Variants in SLC10A7 observed in about 807,000 individuals in gnomAD.
SLC10A7 encodes the protein sodium/bile acid cotransporter 7.
Under a neutral mutation model 43.2 loss-of-function variants are expected in SLC10A7, and 29 were observed. The observed-to-expected ratio is 0.67, with a 90% CI of 0.50 to 0.92. The LOEUF is 0.92. SLC10A7 is among the 40% of genes least tolerant of loss of function. The pLI, the probability that SLC10A7 is intolerant of heterozygous loss-of-function variation, is 0.00. For synonymous variants in SLC10A7, 152 were observed against 144.8 expected (o/e 1.05, Z -0.35); for missense variants, 295 against 403.2 (o/e 0.73, Z 2.30).
intron 5 of SLC10A7, among the ~76,000 whole-genome samples, chr4:146,365,211 T>G (rs1579000975): frequency 1.3e-5 from 2 of 152,228 alleles, no homozygotes; most frequent in Admixed American, 1.3e-4. Context: ...TTAAATCTTT[T>G]GTACTCCTAT....
intron 2 of SLC10A7, among the ~76,000 whole-genome samples, chr4:146,513,078 G>C (rs1737628566): frequency 6.6e-6 from 1 of 151,918 alleles, no homozygotes; most frequent in African/African-American, 2.4e-5. Context: ...CTCTGGAAAG[G>C]TACGCAGAAA....
intron 5 of SLC10A7, among the ~76,000 whole-genome samples, chr4:146,330,890 C>T (rs184377079): frequency 2.6e-5 from 4 of 152,130 alleles, no homozygotes; most frequent in African/African-American, 9.6e-5. Context: ...TCTTATATTG[C>T]TTCCAAATCA....
chr4:146,396,790 C>G (rs181820519), intron 5 of SLC10A7, among the ~76,000 whole-genome samples: 34 of 146,826 alleles, frequency 2.3e-4, no homozygotes, highest in African/African-American at 8.8e-4. Flanking sequence ...ACCACTACTT[C>G]CTTTAAAATC....
intron 6 of SLC10A7, among the ~76,000 whole-genome samples, chr4:146,307,611 G>T (rs1731674144): frequency 6.6e-6 from 1 of 152,104 alleles, no homozygotes; most frequent in Non-Finnish European, 1.5e-5. Context: ...GAGAAATGAG[G>T]CACTGGATGA....
At chr4:146,456,480 C>T (rs1243540243) in intron 4 of SLC10A7, among the ~76,000 whole-genome samples, 1 of 151,962 alleles carries the variant, frequency 6.6e-6, no homozygotes, top group East Asian at 1.9e-4. Flanking sequence ...AGGCTATCCA[C>T]ACTTTTGACC....
chr4:146,396,751 G>C (rs1738853124), intron 5 of SLC10A7, among the ~76,000 whole-genome samples: 1 of 151,310 alleles, frequency 6.6e-6, no homozygotes, highest in African/African-American at 2.4e-5. Flanking sequence ...TTCAGAAAAA[G>C]AGTAATTGCA....
intron 1 of SLC10A7, among the ~76,000 whole-genome samples, chr4:146,519,683 G>A (rs1033686728): frequency 5.3e-5 from 8 of 152,074 alleles, no homozygotes; most frequent in African/African-American, 1.2e-4. Context: ...CAAGGAATCT[G>A]GCTTGCTTGG....
At chr4:146,377,410 A>C (rs938972107) in intron 5 of SLC10A7, among the ~76,000 whole-genome samples, 1 of 152,134 alleles carries the variant, frequency 6.6e-6, no homozygotes, top group African/African-American at 2.4e-5. Context: ...AGGAGCATTA[A>C]TTGTAACACA....
intron 5 of SLC10A7, among the ~76,000 whole-genome samples, chr4:146,425,482 A>C (rs1238998836): frequency 6.6e-6 from 1 of 152,150 alleles, no homozygotes; most frequent in Non-Finnish European, 1.5e-5. Context: ...AACTTCATTT[A>C]ATTTTCATTA....
chr4:146,418,499 T>C (rs1579135422), intron 5 of SLC10A7, among the ~76,000 whole-genome samples: 3 of 152,226 alleles, frequency 2.0e-5, no homozygotes, highest in Admixed American at 1.3e-4. Flanking sequence ...AAAAGCTACA[T>C]TGCTTATAGT....
At chr4:146,262,788 C>T (rs555784726) in intron 10 of SLC10A7, among the ~76,000 whole-genome samples, 1 of 152,288 alleles carries the variant, frequency 6.6e-6, no homozygotes, top group Admixed American at 6.5e-5. Flanking sequence ...GAACCAGTCT[C>T]TCTGCCTTCA....
rs903864921 is a variant in SLC10A7, at chr4:146,366,486, T to C, written c.436-40490A>G. On this transcript the variant is annotated intron_variant, in intron 5 of 11. Coordinates refer to ENST00000335472, the MANE Select transcript of SLC10A7 (RefSeq NM_001029998.6). ...TTCAGTTTTTGAATGTGGAAAGGAG[T>C]AGAAGACCTGTCATGTCTACTTCTT... Among the ~76,000 whole-genome samples, 5 of 152,164 alleles carry C rather than the reference T, an allele frequency of 3.3e-5. No individual in the cohort carries two copies. The East Asian group carries it at 9.6e-4, about 29-fold the overall frequency.
intron 5 of SLC10A7, among the ~76,000 whole-genome samples, chr4:146,400,389 TAA>T (rs1197754147): frequency 6.6e-6 from 1 of 151,934 alleles, no homozygotes; most frequent in African/African-American, 2.4e-5. Flanking sequence ...AAGAAGAGCA[TAA>T]AATAGGGCAG....
At chr4:146,484,158 C>T (rs1047948639) in intron 4 of SLC10A7, among the ~76,000 whole-genome samples, 1 of 152,176 alleles carries the variant, frequency 6.6e-6, no homozygotes, top group Non-Finnish European at 1.5e-5. Flanking sequence ...TTAAGAGCAT[C>T]TTGGGCAACA....
intron 7 of SLC10A7, among the ~76,000 whole-genome samples, chr4:146,304,864 A>G (rs1731436349): frequency 1.3e-5 from 2 of 152,008 alleles, no homozygotes; most frequent in African/African-American, 4.8e-5. Flanking sequence ...AAAGTCTCCC[A>G]TTATTAATGT....
chr4:146,350,343 C>A (rs1459425551), intron 5 of SLC10A7, among the ~76,000 whole-genome samples: 1 of 151,232 alleles, frequency 6.6e-6, no homozygotes, highest in Non-Finnish European at 1.5e-5. Flanking sequence ...AAACGGCGCA[C>A]CACGAGACTA....
intron 4 of SLC10A7, among the ~76,000 whole-genome samples, chr4:146,485,002 G>C (rs567461508): frequency 6.6e-6 from 1 of 152,254 alleles, no homozygotes; most frequent in South Asian, 2.1e-4. Context: ...CAAATGTGGG[G>C]ACCAGAACAA....
chr4:146,500,371 C>T lies in SLC10A7; in HGVS notation c.396+3478G>A, dbSNP rs539009729. The stretch of plus-strand genomic sequence containing the variant: ...CCTTTTGAAACATCAATACTACCTA[C>T]CTCATCATCACTCTCAGTGGTTGAC... On this transcript the variant is annotated intron_variant, in intron 4 of 11. Transcript: ENST00000335472. Among the ~76,000 whole-genome samples, 6 of 152,140 alleles carry T rather than the reference C, an allele frequency of 3.9e-5. No individual in the cohort carries two copies. The South Asian group carries it at 8.3e-4, about 21-fold the overall frequency.
chr4:146,278,772 G>T (rs1729365429), intron 10 of SLC10A7, among the ~76,000 whole-genome samples: 1 of 152,130 alleles, frequency 6.6e-6, no homozygotes, highest in African/African-American at 2.4e-5. Context: ...CTCATTGTAT[G>T]GATGAGGAAA....
Sources: allele counts gnomAD v4.1 joint callset (sites outside exome capture counted in the v4.1 genomes callset), GRCh38; gene constraint gnomAD v4.1.1; transcripts MANE v1.5; gene names NCBI Gene and HGNC (gene_info 2026-07-23, HGNC 2026-07-21).